LRRC49: variants seen among roughly 807,000 people sequenced by gnomAD.
LRRC49 encodes leucine-rich repeat-containing protein 49.
A neutral mutation model predicts 83.3 loss-of-function variants in LRRC49; 50 were observed. The ratio of observed to expected loss-of-function variants is 0.60; its 90% CI spans 0.48 to 0.76. LRRC49 has a LOEUF of 0.76. Among genes scored for constraint, LRRC49 ranks in the 30% least tolerant of loss-of-function variants. The pLI, the probability that LRRC49 is intolerant of heterozygous loss-of-function variation, is 0.00. For synonymous variants in LRRC49, 286 were observed against 283.3 expected, an observed-to-expected ratio of 1.01 and a Z score of -0.10; for missense variants, 704 against 809.1, an observed-to-expected ratio of 0.87 and a Z score of 1.58.
intron 2 of LRRC49, among the ~76,000 whole-genome samples, chr15:70,876,443 C>T (rs533960274): frequency 6.6e-6 from 1 of 152,264 alleles, no homozygotes; most frequent in East Asian, 1.9e-4. Flanking sequence ...GTGATAAATG[C>T]CATGATGGGC....
intron 2 of LRRC49, among the ~76,000 whole-genome samples, chr15:70,880,927 T>C (rs993052431): frequency 2.6e-5 from 4 of 152,218 alleles, no homozygotes; most frequent in Admixed American, 2.6e-4. Context: ...TAAAACATAA[T>C]GCTCTCTTAA....
At chr15:71,018,244 A>C (rs1469344428) in intron 14 of LRRC49, among the ~76,000 whole-genome samples, 1 of 152,222 alleles carries the variant, frequency 6.6e-6, no homozygotes, top group African/African-American at 2.4e-5. Flanking sequence ...CAGGATGAAC[A>C]CCTGGGAGGA....
Position 71,037,188 on chromosome 15 carries a change from A to T in LRRC49, c.1713A>T (p.Gln571His), listed in dbSNP as rs747780669. ...ISILGDARKK[Q>H]FRYLLESKGK... Reference sequence around the variant, plus strand: ...TACTGTCTTTCTACAGGAAAAAGCAATTTCGGTATCTACTAGAATCCAAAG... The same window carrying T: ...TACTGTCTTTCTACAGGAAAAAGCATTTTCGGTATCTACTAGAATCCAAAG... Residue 571 changes from glutamine (Q) to histidine (H), a missense_variant, in exon 15 of 16, where the codon CAA becomes CAT. Around this residue, in one of 3 missense-constraint regions of LRRC49, gnomAD observed 275 missense variants for 338.0 expected, o/e 0.81. Coordinates refer to ENST00000260382, the MANE Select transcript of LRRC49 (RefSeq NM_017691.5). The T allele has an allele frequency of 3.7e-5, 59 of 1,604,430 alleles. No individual in the cohort carries two copies. The highest frequency in any genetic ancestry group is 4.9e-5 in the Non-Finnish European group (58 of 1,175,888).
At chr15:70,871,641 G>A (rs1304497432) in intron 1 of LRRC49, among the ~76,000 whole-genome samples, 2 of 151,702 alleles carry the variant, frequency 1.3e-5, no homozygotes, top group South Asian at 2.1e-4. Context: ...TTCCCAGACG[G>A]GGCGGCTGCT....
chr15:71,020,819 T>C (rs1331404390), intron 14 of LRRC49, among the ~76,000 whole-genome samples: 1 of 152,122 alleles, frequency 6.6e-6, no homozygotes, highest in Non-Finnish European at 1.5e-5. Context: ...TAAAAGAAAT[T>C]ATAAAGCTTA....
In LRRC49 at chr15:70,914,632, T is replaced by G. The variant is rs545025227; in HGVS notation, c.567+3034T>G. On this transcript the variant is annotated intron_variant, in intron 6 of 15. Coordinates refer to ENST00000260382, the MANE Select transcript of LRRC49 (RefSeq NM_017691.5). ...CATCAAGACTTAGCAATTAATTATATATGAGTAGTGAATACAGAGGAATCT... is the reference window on the plus strand; with the variant it reads ...CATCAAGACTTAGCAATTAATTATAGATGAGTAGTGAATACAGAGGAATCT... Among the ~76,000 whole-genome samples, 14 of 152,332 alleles carry G rather than the reference T, an allele frequency of 9.2e-5. No homozygotes were observed. The South Asian group carries it at 2.3e-3, about 25-fold the overall frequency.
At chr15:71,021,047 A>G (rs1359920239) in intron 14 of LRRC49, among the ~76,000 whole-genome samples, 1 of 152,212 alleles carries the variant, frequency 6.6e-6, no homozygotes, top group Non-Finnish European at 1.5e-5. Flanking sequence ...GATGAGCTAG[A>G]AAAAAATCAC....
Position 71,008,485 on chromosome 15 carries a change from CT to C in LRRC49, c.1277del (p.Leu426ArgfsTer15). On this transcript the variant is annotated frameshift_variant, in exon 12 of 16. Coordinates refer to ENST00000260382, the MANE Select transcript of LRRC49 (RefSeq NM_017691.5). LOFTEE classifies it high-confidence loss of function. ...ACTTTCCCTATATGGCTCAGGAGCACTGGAATCTCTGGATAGGAATTGGAGT... is the reference window on the plus strand; with the variant it reads ...ACTTTCCCTATATGGCTCAGGAGCACGGAATCTCTGGATAGGAATTGGAGT... The part of the protein sequence containing the change: ...DTLSLYGSGA[L>X]ESLDRNWSVQ... 1 of 1,612,860 alleles carries C rather than the reference CT, an allele frequency of 6.2e-7. No individual in the cohort carries two copies. Among genetic ancestry groups the C allele is most frequent in the Non-Finnish European group, 8.5e-7 (1 of 1,179,186 alleles).
At chr15:70,947,505 A>T (rs1485534172) in intron 8 of LRRC49, among the ~76,000 whole-genome samples, 1 of 152,200 alleles carries the variant, frequency 6.6e-6, no homozygotes, top group African/African-American at 2.4e-5. Flanking sequence ...AAAACCTTGC[A>T]GCTTTTGGAA....
chr15:70,871,403 T>A (rs907961691), intron 1 of LRRC49, among the ~76,000 whole-genome samples: 2 of 151,928 alleles, frequency 1.3e-5, no homozygotes, highest in East Asian at 3.9e-4. Context: ...TCCCCACATT[T>A]CCCCCCTCTC....
chr15:71,017,414 A>G (rs1252192228), intron 14 of LRRC49, among the ~76,000 whole-genome samples: 3 of 152,200 alleles, frequency 2.0e-5, no homozygotes, highest in African/African-American at 7.2e-5. Flanking sequence ...TTACAGTTTT[A>G]TATGATGAAA....
chr15:70,984,982 G>T (rs1242215852), intron 11 of LRRC49, among the ~76,000 whole-genome samples: 245 of 142,282 alleles, frequency 1.7e-3, no homozygotes, highest in African/African-American at 6.3e-3. Flanking sequence ...TGGCTGCATA[G>T]TATTCCATGG....
In LRRC49 at chr15:70,959,589, GGAAGGAAGGA is replaced by G. The variant is rs1442840454; in HGVS notation, c.774-4195_774-4186del. On this transcript the variant is annotated intron_variant, in intron 8 of 15. Coordinates refer to ENST00000260382, the MANE Select transcript of LRRC49 (RefSeq NM_017691.5). ...AGGAAGGAAGGAAGGAAGGAAGGAA[GGAAGGAAGGA>G]AGGGAGGGAAATTCCAGTCAAAATC... is the stretch of plus-strand genomic sequence containing the variant. Among the ~76,000 whole-genome samples, 38 of 137,696 alleles carry G rather than the reference GGAAGGAAGGA, an allele frequency of 2.8e-4. 2 individuals carry two copies. Among genetic ancestry groups the G allele is most frequent in the Admixed American group, 7.2e-4 (10 of 13,846 alleles). The allele number at this position is 137,696 out of a possible 152,430, so 90.3% of individuals were successfully genotyped here.
At chr15:71,032,387 C>T (rs887188313) in intron 14 of LRRC49, among the ~76,000 whole-genome samples, 1 of 152,082 alleles carries the variant, frequency 6.6e-6, no homozygotes, top group African/African-American at 2.4e-5. Context: ...CTGTGTTGGT[C>T]TCGCTGGGAG....
At chr15:70,979,252 G>A (rs889053650) in intron 9 of LRRC49, among the ~76,000 whole-genome samples, 8 of 152,062 alleles carry the variant, frequency 5.3e-5, no homozygotes, top group African/African-American at 1.9e-4. Context: ...TGAGTTAGGT[G>A]TTTGGGATTA....
intron 8 of LRRC49, among the ~76,000 whole-genome samples, chr15:70,953,552 T>A (rs1373916867): frequency 6.6e-6 from 1 of 152,186 alleles, no homozygotes; most frequent in Non-Finnish European, 1.5e-5. Flanking sequence ...GCTTTTAAGA[T>A]TTTTTCTTTT....
chr15:70,910,556 C>T (rs1009188632), intron 5 of LRRC49, among the ~76,000 whole-genome samples: 3 of 151,994 alleles, frequency 2.0e-5, no homozygotes, highest in African/African-American at 7.2e-5. Context: ...ATTTGTTGTT[C>T]TTTTTTTGCC....
chr15:70,893,130 A>T, intron 1 of LRRC49, 188 bp downstream of exon 1: 1 of 656,964 alleles, frequency 1.5e-6, no homozygotes. Flanking sequence ...TGGGTACTCA[A>T]AGTCTTGTCC....
In LRRC49 at chr15:71,048,179, C is replaced by T. The variant is rs2039911244; in HGVS notation, c.1858-1230C>T. Among the ~76,000 whole-genome samples, 3 of 150,884 alleles carry T rather than the reference C, an allele frequency of 2.0e-5. No homozygotes were observed. In the South Asian group the frequency reaches 6.3e-4, roughly 31 times the overall value. ...TAGCTTAAACTGTAGCCTTGAACTCCTGGGCTCAAACGATTCTCCCACCTC... is the reference window on the plus strand; with the variant it reads ...TAGCTTAAACTGTAGCCTTGAACTCTTGGGCTCAAACGATTCTCCCACCTC... On this transcript the variant is annotated intron_variant, in intron 15 of 15. Transcript: ENST00000260382.
Sources: allele counts gnomAD v4.1 joint callset (sites outside exome capture counted in the v4.1 genomes callset), GRCh38; gene constraint gnomAD v4.1.1; regional missense constraint gnomAD v4.1.1; transcripts MANE v1.5; gene names NCBI Gene and HGNC (gene_info 2026-07-23, HGNC 2026-07-21).